PCMT1: variants seen among roughly 807,000 people sequenced by gnomAD.
PCMT1 encodes protein-L-isoaspartate (D-aspartate) O-methyltransferase, also known as protein-L-isoaspartate(D-aspartate) O-methyltransferase.
A neutral mutation model predicts 29.2 loss-of-function variants in PCMT1; 9 were observed. That is an observed-to-expected ratio of 0.31 (90% CI 0.19 to 0.54). PCMT1 has a LOEUF of 0.54. PCMT1 is among the 20% of genes least tolerant of loss of function. The pLI is 0.95. For missense variants in PCMT1, 184 were observed against 282.2 expected (o/e 0.65, Z 2.49); for synonymous variants, 98 against 97.5 (o/e 1.00, Z -0.03).
At chr6:149,752,748 G>A (rs1159217590) in intron 1 of PCMT1, among the ~76,000 whole-genome samples, 1 of 152,264 alleles carries the variant, frequency 6.6e-6, no homozygotes, top group Admixed American at 6.5e-5. Context: ...TCCACCGGTA[G>A]GTTATCATAG....
intron 3 of PCMT1, among the ~76,000 whole-genome samples, chr6:149,787,715 G>A (rs1788181212): frequency 6.6e-6 from 1 of 152,056 alleles, no homozygotes; most frequent in Non-Finnish European, 1.5e-5. Context: ...ATATTATGCA[G>A]ATAGTACAGT....
chr6:149,795,442 A>G lies in PCMT1; in HGVS notation c.419-973A>G, dbSNP rs543080831. 159 of 403,744 alleles carry G rather than the reference A, an allele frequency of 3.9e-4. 1 individual carries two copies. Among genetic ancestry groups the G allele is most frequent in the South Asian group, 1.6e-3 (72 of 44,718 alleles). The allele number at this position is 403,744 out of a possible 1,614,324, so 25.0% of individuals were successfully genotyped here. On this transcript the variant is annotated intron_variant, in intron 5 of 7. Transcript: ENST00000464889. ...AAGAAGGAGCTCTGAATATAAGAAC[A>G]TAAGAACAAATAGCACCAATAGTGA...
chr6:149,750,243 C>T (rs1786250051), intron 1 of PCMT1: 1 of 465,110 alleles, frequency 2.2e-6, no homozygotes, highest in Non-Finnish European at 3.8e-6. Flanking sequence ...GAGTGCAGTA[C>T]AGGTGATGCT....
rs896455652 is a variant in PCMT1, at chr6:149,787,010, ACT to A, written c.193-2941_193-2940del. Reference sequence around the variant, plus strand: ...CACCATTGAGCACTGAGTGAGCGAGACTCTGTCTGCAATCCTGGCACCTCGGG... The same window carrying A: ...CACCATTGAGCACTGAGTGAGCGAGACTGTCTGCAATCCTGGCACCTCGGG... On this transcript the variant is annotated intron_variant, in intron 3 of 7. Coordinates refer to ENST00000464889, the MANE Select transcript of PCMT1 (RefSeq NM_001360452.2). Among the ~76,000 whole-genome samples, 169 of 123,490 alleles carry A rather than the reference ACT, an allele frequency of 1.4e-3. 6 individuals carry two copies. Among genetic ancestry groups the A allele is most frequent in the Non-Finnish European group, 1.4e-3 (90 of 63,158 alleles). 81.0% of individuals were successfully genotyped at this position (123,490 alleles called of 152,430 possible).
intron 7 of PCMT1, among the ~76,000 whole-genome samples, chr6:149,803,336 A>AT (rs1238822869): frequency 2.6e-5 from 4 of 152,086 alleles, no homozygotes; most frequent in Non-Finnish European, 1.5e-5. Context: ...TTCTGGCTAA[A>AT]TTCCTAGGAA....
chr6:149,775,138 C>T (rs1168997797), intron 3 of PCMT1, among the ~76,000 whole-genome samples: 1 of 152,176 alleles, frequency 6.6e-6, no homozygotes, highest in African/African-American at 2.4e-5. Context: ...AGCCACTGGG[C>T]CTGGCCAGAA....
rs148018752 is a variant in PCMT1 at position 149,789,980 on chromosome 6, T to G, written c.219T>G (p.Phe73Leu). 982 of 1,608,832 alleles carry G rather than the reference T, an allele frequency of 6.1e-4. 2 individuals carry two copies. The highest frequency in any genetic ancestry group is 5.3e-4 in the Non-Finnish European group (628 of 1,178,538). ...ATGCATATGCGCTAGAACTTCTATT[T>G]GATCAGTTGCATGAAGGAGCTAAAG... Reference protein sequence around the residue: ...HMHAYALELLFDQLHEGAKAL... With the variant: ...HMHAYALELLLDQLHEGAKAL... The change falls in exon 4 of 8, where the codon TTT (phenylalanine) becomes TTG (leucine). Residue 73 changes from phenylalanine to leucine, a missense_variant. By Grantham distance (22) the Phe-to-Leu change is conservative. Coordinates refer to ENST00000464889, the MANE Select transcript of PCMT1 (RefSeq NM_001360452.2).
Position 149,802,394 on chromosome 6 carries a change from C to T in PCMT1, c.*15C>T. The T allele has an allele frequency of 2.5e-6, 4 of 1,594,008 alleles. No individual in the cohort carries two copies. The highest frequency in any genetic ancestry group is 1.7e-4 in the Middle Eastern group (1 of 5,918). The stretch of plus-strand genomic sequence containing the variant: ...GGTGGAAGTGATTTTATCTTCTGCT[C>T]TTTCTTCTTCCACACATGCAAGGTG... On this transcript the variant is annotated 3_prime_UTR_variant, in exon 7 of 8. Coordinates refer to ENST00000464889, the MANE Select transcript of PCMT1 (RefSeq NM_001360452.2).
chr6:149,806,871 C>T (rs1776033175), intron 7 of PCMT1, among the ~76,000 whole-genome samples: 1 of 152,282 alleles, frequency 6.6e-6, no homozygotes, highest in South Asian at 2.1e-4. Flanking sequence ...GGATTACAGG[C>T]TTGAGCCACC....
At chr6:149,809,815 T>A (rs182406597) in intron 7 of PCMT1, among the ~76,000 whole-genome samples, 3 of 152,240 alleles carry the variant, frequency 2.0e-5, no homozygotes, top group Admixed American at 2.0e-4. Flanking sequence ...ATATGTAATT[T>A]TTTTCCTTTT....
intron 1 of PCMT1, among the ~76,000 whole-genome samples, chr6:149,750,766 A>C (rs142307653): frequency 7.3e-4 from 111 of 152,200 alleles, no homozygotes; most frequent in Non-Finnish European, 1.5e-3. Context: ...TCTGATGATA[A>C]TTTTAGGATA....
At chr6:149,792,488 C>A (rs1453207249) in intron 4 of PCMT1, among the ~76,000 whole-genome samples, 2 of 151,936 alleles carry the variant, frequency 1.3e-5, no homozygotes, top group African/African-American at 4.8e-5. Flanking sequence ...AATAAATATG[C>A]AAAGAAGGGA....
At chr6:149,770,821 G>A (rs771662840) in intron 1 of PCMT1, among the ~76,000 whole-genome samples, 2 of 146,982 alleles carry the variant, frequency 1.4e-5, no homozygotes, top group African/African-American at 5.1e-5. Flanking sequence ...GGCTAACATG[G>A]TGAAACCCTG....
intron 4 of PCMT1, among the ~76,000 whole-genome samples, chr6:149,792,113 G>A (rs955151396): frequency 1.3e-5 from 2 of 152,032 alleles, no homozygotes; most frequent in African/African-American, 4.8e-5. Flanking sequence ...TCTGGAGTTC[G>A]AGACCAGCCT....
At chr6:149,775,089 C>T (rs569755661) in intron 3 of PCMT1, among the ~76,000 whole-genome samples, 3 of 152,276 alleles carry the variant, frequency 2.0e-5, no homozygotes, top group Admixed American at 6.5e-5. Flanking sequence ...AGGTGATCCA[C>T]TCGCCTTTGC....
At chr6:149,807,412 C>A (rs1021287351) in intron 7 of PCMT1, among the ~76,000 whole-genome samples, 14 of 152,066 alleles carry the variant, frequency 9.2e-5, no homozygotes, top group African/African-American at 3.4e-4. Context: ...TGCTCTGTCA[C>A]CCAGGCTGGA....
At chr6:149,783,541 A>G (rs1408994923) in intron 3 of PCMT1, among the ~76,000 whole-genome samples, 14 of 152,152 alleles carry the variant, frequency 9.2e-5, no homozygotes, top group Non-Finnish European at 2.9e-5. Flanking sequence ...GTGGTGGTCC[A>G]ATATTATATA....
intron 5 of PCMT1, among the ~76,000 whole-genome samples, chr6:149,794,398 T>A (rs1410694650): frequency 6.6e-6 from 1 of 152,120 alleles, no homozygotes; most frequent in East Asian, 1.9e-4. Flanking sequence ...GGTGGGCAGA[T>A]CATGAGGTCA....
intron 3 of PCMT1, among the ~76,000 whole-genome samples, chr6:149,782,990 TACAAAA>T (rs1459162243): frequency 6.6e-6 from 1 of 152,096 alleles, no homozygotes; most frequent in African/African-American, 2.4e-5. Context: ...ACCCTGACTC[TACAAAA>T]ATAAAAATAA....
Sources: allele counts gnomAD v4.1 joint callset (sites outside exome capture counted in the v4.1 genomes callset), GRCh38; gene constraint gnomAD v4.1.1; transcripts MANE v1.5; gene names NCBI Gene and HGNC (gene_info 2026-07-23, HGNC 2026-07-21).